The following RANBP17 variants were observed in gnomAD, a reference collection of about 807,000 sequenced individuals.
The protein encoded by RANBP17 is RAN binding protein 17.
RANBP17 carries 158 observed loss-of-function variants against 141.2 expected under a neutral mutation model. The observed-to-expected ratio is 1.12, with a 90% confidence interval of 0.98 to 1.28. The LOEUF (loss-of-function observed/expected upper bound fraction) is 1.28, where lower values mean the gene tolerates loss of function less well. Among genes scored for constraint, RANBP17 ranks in the 50% most tolerant of loss-of-function variants. RANBP17 has a pLI of 0.00. For synonymous variants in RANBP17, 430 were observed against 450.0 expected, an observed-to-expected ratio of 0.96 and a Z score of 0.56; for missense variants, 1,438 against 1,290.7, an observed-to-expected ratio of 1.11 and a Z score of -1.75.
intron 14 of RANBP17, among the ~76,000 whole-genome samples, chr5:171,000,032 T>G (rs1368923191): frequency 6.6e-6 from 1 of 152,212 alleles, no homozygotes. Context: ...TTACTTCACA[T>G]AATGTCCTTA....
chr5:171,244,076 A>G (rs1765057154), intron 24 of RANBP17, among the ~76,000 whole-genome samples: 1 of 151,542 alleles, frequency 6.6e-6, no homozygotes, highest in Admixed American at 6.6e-5. Context: ...AACAAGAATG[A>G]AATTCTGTCT....
chr5:171,224,379 T>C (rs1416879116), intron 22 of RANBP17, among the ~76,000 whole-genome samples: 1 of 152,216 alleles, frequency 6.6e-6, no homozygotes, highest in Admixed American at 6.5e-5. Flanking sequence ...ACTAAATATA[T>C]TTTTTCCTTT....
chr5:171,294,844 A>G lies in RANBP17; in HGVS notation c.3042+863A>G, dbSNP rs950783465. ...AAGGGCAAATTCAGTGTTTAGAAAA[A>G]GCTTATGACATCACAATATTATACT... On this transcript the variant is annotated intron_variant, in intron 26 of 27. Coordinates refer to ENST00000523189, the MANE Select transcript of RANBP17 (RefSeq NM_022897.5). Among the ~76,000 whole-genome samples, 12 of 152,234 alleles carry G rather than the reference A, an allele frequency of 7.9e-5. No homozygotes were observed. The East Asian group carries it at 2.3e-3, about 29-fold the overall frequency.
At chr5:171,210,448 T>C (rs754452892) in intron 20 of RANBP17, among the ~76,000 whole-genome samples, 5 of 152,288 alleles carry the variant, frequency 3.3e-5, no homozygotes, top group Non-Finnish European at 7.4e-5. Context: ...CTGAAAAATA[T>C]CCTGGTCCTA....
intron 25 of RANBP17, among the ~76,000 whole-genome samples, chr5:171,283,501 C>T (rs1001355683): frequency 6.6e-6 from 1 of 152,238 alleles, no homozygotes; most frequent in Non-Finnish European, 1.5e-5. Context: ...CCAGCACTTT[C>T]TGTGCCATTA....
chr5:171,098,819 G>A (rs967317812), intron 14 of RANBP17, among the ~76,000 whole-genome samples: 3 of 152,098 alleles, frequency 2.0e-5, no homozygotes, highest in Admixed American at 6.6e-5. Flanking sequence ...TTTGTATAAG[G>A]TGTAAGGAAG....
intron 1 of RANBP17, among the ~76,000 whole-genome samples, chr5:170,873,676 G>C (rs1380547147): frequency 6.6e-6 from 1 of 151,982 alleles, no homozygotes; most frequent in Non-Finnish European, 1.5e-5. Flanking sequence ...ATTTCTGTGG[G>C]GTCAGTAGTG....
chr5:171,056,455 T>C (rs1053449359), intron 14 of RANBP17, among the ~76,000 whole-genome samples: 3 of 152,184 alleles, frequency 2.0e-5, no homozygotes, highest in African/African-American at 7.2e-5. Context: ...ATAATGATTT[T>C]ATGTAACAAT....
At position 171,213,630 on chromosome 5, in the gene RANBP17, G is replaced by A. The variant is rs768235580; in HGVS notation, c.2232-1G>A. ...AAATTCTTTAACAGGCTTTATAAAA[G>A]GTACCCAACGTACCTTCCCCTTCTT... is the stretch of plus-strand genomic sequence containing the variant. On this transcript the variant is annotated splice_acceptor_variant, in intron 20 of 27. Coordinates refer to ENST00000523189, the MANE Select transcript of RANBP17 (RefSeq NM_022897.5). LOFTEE classifies it high-confidence loss of function. 5 of 1,610,394 alleles carry A rather than the reference G, an allele frequency of 3.1e-6. No individual in the cohort carries two copies. The highest frequency in any genetic ancestry group is 4.2e-6 in the Non-Finnish European group (5 of 1,176,836).
chr5:170,962,795 T>C (rs1436797814), intron 13 of RANBP17, among the ~76,000 whole-genome samples: 1 of 152,214 alleles, frequency 6.6e-6, no homozygotes, highest in Non-Finnish European at 1.5e-5. Context: ...ATATTTGGTA[T>C]GCAAAGGGTA....
intron 14 of RANBP17, among the ~76,000 whole-genome samples, chr5:171,161,888 AC>A (rs1759375997): frequency 1.3e-5 from 2 of 152,198 alleles, no homozygotes; most frequent in South Asian, 4.1e-4. Context: ...TTTAGGAGGT[AC>A]GGGGGATTAA....
chr5:171,021,247 T>C (rs957375495), intron 14 of RANBP17, among the ~76,000 whole-genome samples: 3 of 152,194 alleles, frequency 2.0e-5, no homozygotes, highest in African/African-American at 7.2e-5. Flanking sequence ...CAATTATGTG[T>C]CTTGGGGCTG....
intron 25 of RANBP17, among the ~76,000 whole-genome samples, chr5:171,283,548 C>A (rs1767976525): frequency 6.6e-6 from 1 of 152,214 alleles, no homozygotes; most frequent in East Asian, 1.9e-4. Flanking sequence ...TCTGAAAATT[C>A]TGCATGGTTT....
At chr5:170,932,442 A>G (rs965651695) in intron 12 of RANBP17, among the ~76,000 whole-genome samples, 11 of 152,324 alleles carry the variant, frequency 7.2e-5, no homozygotes, top group African/African-American at 2.2e-4. Flanking sequence ...ATCCAACACT[A>G]TGTTGAATAG....
intron 14 of RANBP17, among the ~76,000 whole-genome samples, chr5:171,038,552 T>G (rs1037452170): frequency 6.6e-6 from 1 of 152,182 alleles, no homozygotes; most frequent in Non-Finnish European, 1.5e-5. Context: ...CTTCCAGCTT[T>G]TGCCCATTCT....
intron 14 of RANBP17, among the ~76,000 whole-genome samples, chr5:171,025,496 T>C (rs1207773720): frequency 6.6e-6 from 1 of 152,104 alleles, no homozygotes; most frequent in Non-Finnish European, 1.5e-5. Context: ...TTAATTCCTG[T>C]TTTCTCTAGG....
rs980466658 is a variant in RANBP17, at chr5:171,294,176, A to G, written c.3042+195A>G. On this transcript the variant is annotated intron_variant, in intron 26 of 27. Coordinates refer to ENST00000523189, the MANE Select transcript of RANBP17 (RefSeq NM_022897.5). ...GGCCTCAGATCTTCTTCAGGTAAGC[A>G]GAGGCCTCAAAACGAGTGCTTCTGG... Among the ~76,000 whole-genome samples the G allele has an allele frequency of 6.6e-5, 10 of 152,182 alleles. No individual in the cohort carries two copies. In the East Asian group the frequency reaches 1.7e-3, roughly 26 times the overall value.
At chr5:171,219,575 G>C (rs886125150) in intron 21 of RANBP17, among the ~76,000 whole-genome samples, 2 of 151,928 alleles carry the variant, frequency 1.3e-5, no homozygotes, top group Non-Finnish European at 2.9e-5. Context: ...TTTTCTTGGA[G>C]GCTTTGTTCT....
intron 14 of RANBP17, among the ~76,000 whole-genome samples, chr5:171,147,382 G>GTGTGC (rs1315097543): frequency 3.1e-5 from 1 of 32,072 alleles, no homozygotes; most frequent in African/African-American, 6.5e-5. Flanking sequence ...TGTGTGTGTG[G>GTGTGC]TTGTTTGTTT....
Sources: gnomAD v4.1 joint callset for allele counts (sites outside exome capture counted in the v4.1 genomes callset) on GRCh38, gnomAD v4.1.1 for gene constraint, MANE v1.5 for transcripts, NCBI Gene and HGNC (gene_info 2026-07-23, HGNC 2026-07-21) for gene names.